The following TAF1 variants were observed in gnomAD, a reference collection of about 807,000 sequenced individuals.
The protein encoded by TAF1 is transcription initiation factor TFIID subunit 1.
A neutral mutation model predicts 138.5 loss-of-function variants in TAF1; 2 were observed. The observed-to-expected ratio is 0.01, with a 90% CI of 0.01 to 0.05. The LOEUF is 0.05. Among genes scored for constraint, TAF1 ranks in the 10% least tolerant of loss-of-function variants. TAF1 has a pLI of 1.00. For missense variants in TAF1, 709 were observed against 1,478.0 expected, an observed-to-expected ratio of 0.48 and a Z score of 8.53; for synonymous variants, 437 against 503.2, an observed-to-expected ratio of 0.87 and a Z score of 1.76.
chrX:71,493,185 T>C (rs139121407), intron 13 of TAF1, among the ~76,000 whole-genome samples: 1,542 of 110,904 alleles, frequency 0.014, 10 homozygotes, highest in African/African-American at 0.036. Flanking sequence ...GGCTAATTTT[T>C]TGTATTTTTA....
chrX:71,468,581 G>C (rs1407652434), downstream of TAF1, among the ~76,000 whole-genome samples: 1 of 107,466 alleles, frequency 9.3e-6, no homozygotes, highest in Non-Finnish European at 1.9e-5. Flanking sequence ...AGCTACTCAG[G>C]AGGCTGAGGC....
In TAF1 at chrX:71,407,593, A is replaced by G; in HGVS notation, c.4127A>G (p.His1376Arg). The G allele has an allele frequency of 8.3e-7, 1 of 1,211,130 alleles. No individual in the cohort carries two copies. The highest frequency in any genetic ancestry group is 1.1e-6 in the Non-Finnish European group (1 of 895,168). Reference sequence around the variant, plus strand: ...CCTTAGAGACCTCATAAGTCCATCCACCGGCGCCGCACAGACCCTATGGTG... The same window carrying G: ...CCTTAGAGACCTCATAAGTCCATCCGCCGGCGCCGCACAGACCCTATGGTG... ...DYLNRPHKSI[H>R]RRRTDPMVTL... The change falls in exon 27 of 38, where the codon CAC becomes CGC. Residue 1376 changes from histidine (H) to arginine (R), a missense_variant. By Grantham distance (29) the His-to-Arg change is conservative (BLOSUM62 0). Coordinates refer to ENST00000423759, the MANE Select transcript of TAF1 (RefSeq NM_004606.5).
Position 71,378,995 on chromosome X carries a change from A to C in TAF1, c.1324A>C (p.Met442Leu), listed in dbSNP as rs755801173. The C allele has an allele frequency of 8.3e-7, 1 of 1,210,645 alleles. No individual in the cohort carries two copies. Among genetic ancestry groups the C allele is most frequent in the South Asian group, 1.8e-5 (1 of 56,941 alleles). ...ASLAGWLPSSMTRNAMAYNVQ... is the reference protein window; with the variant it reads ...ASLAGWLPSSLTRNAMAYNVQ... Reference sequence around the variant, plus strand: ...CCTGGCAGGCTGGCTTCCTTCTAGCATGACTAGGAATGCGATGGCTTACAA... The same window carrying C: ...CCTGGCAGGCTGGCTTCCTTCTAGCCTGACTAGGAATGCGATGGCTTACAA... Residue 442 changes from methionine to leucine, a missense_variant, in exon 8 of 38, where the codon ATG becomes CTG. Around this residue, in one of 14 missense-constraint regions of TAF1, gnomAD observed 201 missense variants for 421.3 expected, o/e 0.48. Coordinates refer to ENST00000423759, the MANE Select transcript of TAF1 (RefSeq NM_004606.5).
chrX:71,377,359 G>T (rs1390793855), intron 5 of TAF1, among the ~76,000 whole-genome samples, 168 bp downstream of exon 5: 1 of 111,461 alleles, frequency 9.0e-6, no homozygotes, highest in Non-Finnish European at 1.9e-5. Context: ...AAAGTTGTAT[G>T]TATTGATAGT....
At chrX:71,442,527 G>A (rs1156900507) in intron 32 of TAF1, among the ~76,000 whole-genome samples, 3 of 111,859 alleles carry the variant, frequency 2.7e-5, no homozygotes, top group African/African-American at 9.7e-5. Context: ...ATTTTTTCTT[G>A]TAAATGTAAG....
Position 71,397,274 on chromosome X carries a change from G to A in TAF1, c.3428G>A (p.Gly1143Glu). 8.3e-7 allele frequency: 1 copy of A among 1,211,171 alleles called. No homozygotes were observed. Residue 1143 changes from glycine (G) to glutamate (E), a missense_variant, in exon 23 of 38, where the codon GGA becomes GAA. By Grantham distance (98) the Gly-to-Glu change is moderately conservative. Around this residue, in one of 14 missense-constraint regions of TAF1, gnomAD observed 31 missense variants for 52.2 expected, o/e 0.59. Transcript: ENST00000423759. Reference protein sequence around the residue: ...MLLAAGSAASGNNHRDDDTAS... With the variant: ...MLLAAGSAASENNHRDDDTAS... The stretch of plus-strand genomic sequence containing the variant: ...GCAGCAGCAGGCTCAGCAGCATCCG[G>A]AAACAATCACAGAGATGATGACACA...
intron 28 of TAF1, among the ~76,000 whole-genome samples, chrX:71,412,931 A>G (rs2035874353): frequency 9.0e-6 from 1 of 111,617 alleles, no homozygotes; most frequent in African/African-American, 3.3e-5. Context: ...AAGACAGTTA[A>G]GGGACACTTG....
In TAF1 at chrX:71,392,969, G is replaced by A; in HGVS notation, c.3026G>A (p.Arg1009His). 1.7e-6 allele frequency: 2 copies of A among 1,211,452 alleles called. No homozygotes were observed. The highest frequency in any genetic ancestry group is 2.2e-6 in the Non-Finnish European group (2 of 895,453). Residue 1009 changes from arginine (R) to histidine (H), a missense_variant, in exon 20 of 38, where the codon CGT (arginine) becomes CAT (histidine). Physicochemically the swap from Arg to His is conservative, Grantham distance 29. Coordinates refer to ENST00000423759, the MANE Select transcript of TAF1 (RefSeq NM_004606.5). ...CTGAAAAATGCCAAGCAACTTCTAC[G>A]TAAATTTGGTGTGCCTGAGGAAGAG... The part of the protein sequence containing the change: ...LSLKNAKQLL[R>H]KFGVPEEEIK...
intron 4 of TAF1, among the ~76,000 whole-genome samples, chrX:71,376,468 C>G (rs2033477432): frequency 9.1e-6 from 1 of 110,348 alleles, no homozygotes; most frequent in African/African-American, 3.3e-5. Flanking sequence ...GAGTTCAAGA[C>G]CAGACTGGCC....
intron 29 of TAF1, among the ~76,000 whole-genome samples, chrX:71,422,838 C>G (rs774323957): frequency 1.8e-5 from 2 of 111,360 alleles, no homozygotes; most frequent in East Asian, 2.8e-4. Context: ...CTCCCAGATT[C>G]ACGCCATTCT....
At chrX:71,386,528 G>A (rs2148321036) in intron 14 of TAF1, among the ~76,000 whole-genome samples, 1 of 112,339 alleles carries the variant, frequency 8.9e-6, no homozygotes, top group Non-Finnish European at 1.9e-5. Context: ...GCAGTGGCAC[G>A]ATCTTGGCTC....
intron 13 of TAF1, among the ~76,000 whole-genome samples, chrX:71,477,060 T>C (rs1467323002): frequency 4.6e-5 from 5 of 109,009 alleles, no homozygotes. Flanking sequence ...TGTCTCAGCC[T>C]CCCGAGTAGC....
intron 17 of TAF1, among the ~76,000 whole-genome samples, chrX:71,389,073 A>C (rs1417276451): frequency 8.9e-6 from 1 of 111,936 alleles, no homozygotes; most frequent in Non-Finnish European, 1.9e-5. Context: ...TAGTGTAGCT[A>C]AGTATCAGTG....
intron 35 of TAF1, chrX:71,459,081 G>A (rs1010217133): frequency 6.0e-6 from 5 of 839,872 alleles, no homozygotes; most frequent in Non-Finnish European, 8.0e-6. Context: ...CACCCTGGGT[G>A]AGAGCCCTTG....
chrX:71,435,201 T>C (rs2037080194), intron 32 of TAF1, among the ~76,000 whole-genome samples: 1 of 112,075 alleles, frequency 8.9e-6, no homozygotes, highest in Non-Finnish European at 1.9e-5. Flanking sequence ...TTTAGAATGC[T>C]CAGTTGGACC....
intron 13 of TAF1, among the ~76,000 whole-genome samples, chrX:71,496,041 G>A (rs2039389213): frequency 8.9e-6 from 1 of 112,308 alleles, no homozygotes. Context: ...GTACTTTAAG[G>A]TTTGGCTGAG....
chrX:71,471,440 A>G (rs1173998957), intron 13 of TAF1, among the ~76,000 whole-genome samples: 2 of 105,534 alleles, frequency 1.9e-5, no homozygotes, highest in African/African-American at 6.9e-5. Context: ...CCATGTTTCT[A>G]CATAGTTTAT....
chrX:71,426,095 G>GAA (rs966559126), intron 32 of TAF1, among the ~76,000 whole-genome samples: 1 of 96,272 alleles, frequency 1.0e-5, no homozygotes. Context: ...CCCCATCTCA[G>GAA]AAAAAAAAAA....
At chrX:71,525,351 T>C (rs1204646787) in intron 13 of TAF1, among the ~76,000 whole-genome samples, 2 of 112,324 alleles carry the variant, frequency 1.8e-5, no homozygotes, top group Admixed American at 9.4e-5. Flanking sequence ...CCTGCCTCTG[T>C]GTTTAAATGA....
Sources: allele counts gnomAD v4.1 joint callset (sites outside exome capture counted in the v4.1 genomes callset), GRCh38; gene constraint gnomAD v4.1.1; regional missense constraint gnomAD v4.1.1; transcripts MANE v1.5; gene names NCBI Gene and HGNC (gene_info 2026-07-23, HGNC 2026-07-21).